STAG1: variants seen among roughly 807,000 people sequenced by gnomAD.
STAG1 encodes the protein cohesin subunit SA-1.
STAG1 carries 26 observed loss-of-function variants against 170.9 expected under a neutral mutation model. The observed-to-expected ratio is 0.15, with a 90% CI of 0.11 to 0.21. STAG1 has a LOEUF of 0.21. STAG1 is among the 10% of genes least tolerant of loss of function. STAG1 has a pLI of 1.00. For missense variants in STAG1, 964 were observed against 1,509.5 expected (o/e 0.64, Z 5.99); for synonymous variants, 514 against 497.7 (o/e 1.03, Z -0.44).
chr3:136,501,385 A>G (rs1933461569), intron 8 of STAG1, among the ~76,000 whole-genome samples: 2 of 152,212 alleles, frequency 1.3e-5, no homozygotes, highest in African/African-American at 4.8e-5. Context: ...GGCAGATTTA[A>G]TTCATTAAGA....
intron 12 of STAG1, among the ~76,000 whole-genome samples, chr3:136,467,967 C>T (rs1424182671): frequency 6.6e-6 from 1 of 151,768 alleles, no homozygotes; most frequent in Non-Finnish European, 1.5e-5. Context: ...CCAATGAGAA[C>T]AAAGGCACAA....
At chr3:136,341,222 T>C (rs555896223) in intron 31 of STAG1, among the ~76,000 whole-genome samples, 1 of 152,352 alleles carries the variant, frequency 6.6e-6, no homozygotes, top group East Asian at 1.9e-4. Flanking sequence ...ACAGATGTTT[T>C]AGAGCTTGTC....
At chr3:136,584,443 C>A (rs908960237) in intron 4 of STAG1, among the ~76,000 whole-genome samples, 7 of 152,180 alleles carry the variant, frequency 4.6e-5, no homozygotes, top group African/African-American at 1.7e-4. Flanking sequence ...TTTCTATCAG[C>A]ATTCAAAAGA....
At chr3:136,447,535 G>T (rs1268484102) in intron 14 of STAG1, among the ~76,000 whole-genome samples, 1 of 151,160 alleles carries the variant, frequency 6.6e-6, no homozygotes. Context: ...AATGTTCTGG[G>T]TTGTTCTTGT....
intron 1 of STAG1, among the ~76,000 whole-genome samples, chr3:136,728,921 T>C (rs1933843598): frequency 6.6e-6 from 1 of 152,192 alleles, no homozygotes; most frequent in South Asian, 2.1e-4. Context: ...TTAGGTTTCA[T>C]TTCTATTTAA....
intron 22 of STAG1, among the ~76,000 whole-genome samples, chr3:136,390,670 A>G (rs698270): frequency 0.77 from 117,644 of 152,178 alleles, 45,557 homozygotes; most frequent in East Asian, 0.86. Flanking sequence ...TTGTTCCTAC[A>G]AGGATCACTA....
chr3:136,410,565 C>A (rs1240774816), intron 21 of STAG1, among the ~76,000 whole-genome samples: 1 of 152,102 alleles, frequency 6.6e-6, no homozygotes, highest in Non-Finnish European at 1.5e-5. Flanking sequence ...GCTATGTGAC[C>A]TAAGGCTAGT....
chr3:136,406,155 C>T (rs921997417), intron 21 of STAG1, among the ~76,000 whole-genome samples: 5 of 152,064 alleles, frequency 3.3e-5, no homozygotes, highest in African/African-American at 7.2e-5. Context: ...CTTCAGTAGC[C>T]GGATGGATAA....
chr3:136,587,179 AAC>A (rs1937871577), intron 4 of STAG1, among the ~76,000 whole-genome samples: 1 of 152,164 alleles, frequency 6.6e-6, no homozygotes, highest in Non-Finnish European at 1.5e-5. Context: ...AAAAAAAAAA[AAC>A]AACTTCACTC....
At chr3:136,511,143 A>C (rs976547837) in intron 7 of STAG1, among the ~76,000 whole-genome samples, 1 of 152,164 alleles carries the variant, frequency 6.6e-6, no homozygotes, top group African/African-American at 2.4e-5. Context: ...CTGCCCTGTG[A>C]AGAATGTGCC....
At chr3:136,634,494 C>A (rs1333557724) in intron 1 of STAG1, among the ~76,000 whole-genome samples, 1 of 148,944 alleles carries the variant, frequency 6.7e-6, no homozygotes. Flanking sequence ...TTTTTAAAAA[C>A]CAGAGAAATT....
At chr3:136,469,776 C>A (rs2107808138) in intron 12 of STAG1, among the ~76,000 whole-genome samples, 1 of 152,230 alleles carries the variant, frequency 6.6e-6, no homozygotes, top group East Asian at 1.9e-4. Flanking sequence ...GGTACTGGTA[C>A]CAAAACAGAG....
chr3:136,379,726 G>A (rs1937841138), intron 22 of STAG1, among the ~76,000 whole-genome samples: 1 of 152,162 alleles, frequency 6.6e-6, no homozygotes. Flanking sequence ...ACAAAAAAGT[G>A]CAGAGGTGCT....
At chr3:136,691,218 G>A (rs1942711374) in intron 1 of STAG1, among the ~76,000 whole-genome samples, 1 of 151,966 alleles carries the variant, frequency 6.6e-6, no homozygotes, top group Non-Finnish European at 1.5e-5. Context: ...GGCAGATCAT[G>A]AGGTCAGGAG....
intron 6 of STAG1, among the ~76,000 whole-genome samples, chr3:136,535,504 A>C (rs1935575507): frequency 6.6e-6 from 1 of 152,202 alleles, no homozygotes; most frequent in Non-Finnish European, 1.5e-5. Context: ...CTCTACTAAA[A>C]ATACAAAAAT....
intron 31 of STAG1, 71 bp downstream of exon 31, chr3:136,341,370 C>T: frequency 2.9e-6 from 3 of 1,032,116 alleles, no homozygotes; most frequent in South Asian, 2.7e-5. Flanking sequence ...TCAAAGAAAC[C>T]CAAGTCATTT....
chr3:136,615,560 C>T (rs898050997), intron 3 of STAG1, among the ~76,000 whole-genome samples: 46 of 151,282 alleles, frequency 3.0e-4, no homozygotes, highest in African/African-American at 1.0e-3. Context: ...AGGCAGATCA[C>T]GAGGTCAGGA....
intron 1 of STAG1, among the ~76,000 whole-genome samples, chr3:136,693,578 C>T (rs767316110): frequency 7.9e-5 from 12 of 152,110 alleles, no homozygotes; most frequent in East Asian, 1.9e-4. Context: ...AGTTGTGCCA[C>T]GTAGAGCCCT....
At chr3:136,339,186 G>GA (rs1455874527) in intron 32 of STAG1, among the ~76,000 whole-genome samples, 1 of 152,126 alleles carries the variant, frequency 6.6e-6, no homozygotes, top group African/African-American at 2.4e-5. Flanking sequence ...GCCAAGGAGA[G>GA]AAGCCTCAAA....
Sources: allele counts gnomAD v4.1 joint callset (sites outside exome capture counted in the v4.1 genomes callset), GRCh38; gene constraint gnomAD v4.1.1; transcripts MANE v1.5; gene names NCBI Gene and HGNC (gene_info 2026-07-23, HGNC 2026-07-21).